Variants in BMP8A observed in about 807,000 individuals in gnomAD.
The protein encoded by BMP8A is BMP-8A.
Under a neutral mutation model 36.8 loss-of-function variants are expected in BMP8A, and 14 were observed. That is an observed-to-expected ratio of 0.38 (90% CI 0.25 to 0.60). BMP8A has a LOEUF of 0.60. Ranked by LOEUF, BMP8A falls within the 20% of genes least tolerant of loss-of-function variation. The pLI, the probability that BMP8A is intolerant of heterozygous loss-of-function variation, is 0.63. For synonymous variants in BMP8A, 120 were observed against 237.7 expected (o/e 0.50, Z 4.55); for missense variants, 267 against 551.1 (o/e 0.48, Z 5.16).
intron 1 of BMP8A, among the ~76,000 whole-genome samples, chr1:39,493,234 G>A (rs917695514): frequency 6.6e-6 from 1 of 152,150 alleles, no homozygotes; most frequent in Non-Finnish European, 1.5e-5. Context: ...CAGGGAGTGG[G>A]TACCTGCCCC....
intron 1 of BMP8A, among the ~76,000 whole-genome samples, chr1:39,502,013 G>A (rs1396341189): frequency 6.6e-6 from 1 of 151,886 alleles, no homozygotes; most frequent in Non-Finnish European, 1.5e-5. Flanking sequence ...GCCAAGGCGG[G>A]TGGATCATGA....
intron 1 of BMP8A, among the ~76,000 whole-genome samples, chr1:39,505,007 A>G (rs1381973540): frequency 6.6e-6 from 1 of 152,182 alleles, no homozygotes; most frequent in African/African-American, 2.4e-5. Context: ...CTCCAGCCAT[A>G]AGGTGGTTTT....
chr1:39,499,302 C>A (rs11206189), intron 1 of BMP8A, among the ~76,000 whole-genome samples: 1 of 152,002 alleles, frequency 6.6e-6, no homozygotes, highest in Non-Finnish European at 1.5e-5. Context: ...ACAAGAGGCC[C>A]GAGGGACAGA....
At chr1:39,522,528 T>A in intron 5 of BMP8A, 46 bp downstream of exon 5, 1 of 1,602,952 alleles carries the variant, frequency 6.2e-7, no homozygotes, top group Non-Finnish European at 8.5e-7. Flanking sequence ...TCACCACCTG[T>A]AGATCAGAAG....
chr1:39,526,144 C>G lies in BMP8A; in HGVS notation c.*346C>G, dbSNP rs1157222986. 1.3e-5 allele frequency among the ~76,000 whole-genome samples: 2 copies of G among 152,178 alleles called. No homozygotes were observed. Among genetic ancestry groups the G allele is most frequent in the African/African-American group, 4.8e-5 (2 of 41,432 alleles). On this transcript the variant is annotated 3_prime_UTR_variant, in exon 7 of 7. Transcript: ENST00000331593. ...GAGGTTGGCTGACCCGAGCTTTTCT[C>G]CATTCACCAGAGGGTTTAGGTGTGA...
At chr1:39,517,350 C>G (rs61779334) in intron 3 of BMP8A, among the ~76,000 whole-genome samples, 8,929 of 151,762 alleles carry the variant, frequency 0.059, 361 homozygotes, top group Non-Finnish European at 0.09. Flanking sequence ...GAATCTCACT[C>G]TGTTATCTAG....
intron 1 of BMP8A, among the ~76,000 whole-genome samples, chr1:39,507,731 GA>G (rs1243265879): frequency 2.2e-4 from 33 of 152,180 alleles, no homozygotes; most frequent in Admixed American, 2.2e-3. Context: ...AAATGCTCCC[GA>G]ATAGGGTGGG....
Position 39,523,023 on chromosome 1 carries a change from C to T in BMP8A, c.965C>T (p.Pro322Leu). 1 of 1,612,294 alleles carries T rather than the reference C, an allele frequency of 6.2e-7. No individual in the cohort carries two copies. Residue 322 changes from proline to leucine, a missense_variant, in exon 6 of 7, where the codon CCC becomes CTC. Transcript: ENST00000331593. ...GCCCCCCAGGACTGGGTCATCGCCC[C>T]CCAAGGCTACTCAGCCTATTACTGT... The part of the protein sequence containing the change: ...DLGWLDWVIA[P>L]QGYSAYYCEG...
chr1:39,499,579 G>A (rs1645235829), intron 1 of BMP8A, among the ~76,000 whole-genome samples: 1 of 152,242 alleles, frequency 6.6e-6, no homozygotes, highest in Admixed American at 6.5e-5. Flanking sequence ...GGCATCTGGA[G>A]GCCTAGCCTG....
chr1:39,502,221 G>C (rs1276086914), intron 1 of BMP8A, among the ~76,000 whole-genome samples: 1 of 129,080 alleles, frequency 7.7e-6, no homozygotes, highest in Non-Finnish European at 1.6e-5. Context: ...CTGGCCGACA[G>C]AGTGAGACTG....
intron 1 of BMP8A, among the ~76,000 whole-genome samples, chr1:39,497,038 T>C (rs891190809): frequency 6.6e-6 from 1 of 152,246 alleles, no homozygotes; most frequent in African/African-American, 2.4e-5. Context: ...AATCTTACAG[T>C]GCATACTCTT....
chr1:39,527,153 C>T lies in BMP8A; in HGVS notation c.*1355C>T, dbSNP rs1645491095. On this transcript the variant is annotated 3_prime_UTR_variant, in exon 7 of 7. Transcript: ENST00000331593. ...ACCAAAATTGGCGTCACCCTGGGTG[C>T]CCACCAGCGCTGTCCTGTGTCTTGG... is the stretch of plus-strand genomic sequence containing the variant. 2.0e-5 allele frequency among the ~76,000 whole-genome samples: 3 copies of T among 152,186 alleles called. No individual in the cohort carries two copies. The South Asian group carries it at 6.2e-4, about 32-fold the overall frequency.
intron 3 of BMP8A, among the ~76,000 whole-genome samples, chr1:39,514,362 C>CG (rs1360718214): frequency 2.1e-5 from 3 of 142,390 alleles, no homozygotes; most frequent in Non-Finnish European, 4.6e-5. Context: ...GAGGACAAGA[C>CG]GGGGGGCCTC....
intron 1 of BMP8A, among the ~76,000 whole-genome samples, chr1:39,498,240 T>C (rs1174773075): frequency 6.6e-6 from 1 of 152,216 alleles, no homozygotes; most frequent in Non-Finnish European, 1.5e-5. Context: ...TCCTCCGGGC[T>C]GAGGCACAGG....
chr1:39,500,263 T>C (rs927818424), intron 1 of BMP8A, among the ~76,000 whole-genome samples: 4 of 152,252 alleles, frequency 2.6e-5, no homozygotes, highest in Non-Finnish European at 5.9e-5. Flanking sequence ...GGTTTTAGAC[T>C]AATGAATGGA....
intron 1 of BMP8A, among the ~76,000 whole-genome samples, chr1:39,499,062 C>G (rs1645231080): frequency 6.6e-6 from 1 of 152,306 alleles, no homozygotes; most frequent in South Asian, 2.1e-4. Flanking sequence ...TGCGAGCCTC[C>G]CATGTCCACC....
At position 39,515,063 on chromosome 1, in the gene BMP8A, C is replaced by A. The variant is rs1411685037; in HGVS notation, c.673+3159C>A. The A allele has an allele frequency of 2.0e-5, 31 of 1,586,042 alleles. No homozygotes were observed. In the East Asian group the frequency reaches 6.5e-4, roughly 33 times the overall value. ...GCGCCCGCTGCTTTGCCACCAGTCC[C>A]CGGCCCCGTGCCAAGTTCTACGCGG... On this transcript the variant is annotated intron_variant, in intron 3 of 6. Coordinates refer to ENST00000331593, the MANE Select transcript of BMP8A (RefSeq NM_181809.4).
At chr1:39,508,952 C>T (rs909939895) in intron 1 of BMP8A, among the ~76,000 whole-genome samples, 4 of 152,168 alleles carry the variant, frequency 2.6e-5, no homozygotes, top group Non-Finnish European at 5.9e-5. Context: ...GAACTCAGGT[C>T]GGTTCAGTTG....
rs1286528326 is a variant in BMP8A, at chr1:39,524,653, G to A, written c.1060-996G>A. ...GCCAGGCCAGCTCCCGTAGGGCCTGGGGTTCCCTGGGAAGGAGGGTGGATT... is the reference window on the plus strand; with the variant it reads ...GCCAGGCCAGCTCCCGTAGGGCCTGAGGTTCCCTGGGAAGGAGGGTGGATT... On this transcript the variant is annotated intron_variant, in intron 6 of 6. Transcript: ENST00000331593. This position sits in a 1 kb window ranked among gnomAD's most constrained non-coding sequence, Gnocchi z 4.0. Among the ~76,000 whole-genome samples, 1 of 152,114 alleles carries A rather than the reference G, an allele frequency of 6.6e-6. No individual in the cohort carries two copies. The highest frequency in any genetic ancestry group is 1.5e-5 in the Non-Finnish European group (1 of 68,014).
Sources: gnomAD v4.1 joint callset for allele counts (sites outside exome capture counted in the v4.1 genomes callset) on GRCh38, gnomAD v4.1.1 for gene constraint, Gnocchi (gnomAD v3.1) non-coding constraint, MANE v1.5 for transcripts, NCBI Gene and HGNC (gene_info 2026-07-23, HGNC 2026-07-21) for gene names.